ATP8A2: variants seen among roughly 807,000 people sequenced by gnomAD.
ATP8A2 encodes the protein ATPase phospholipid transporting 8A2.
A neutral mutation model predicts 165.6 loss-of-function variants in ATP8A2; 100 were observed. That is an observed-to-expected ratio of 0.60 (90% CI 0.51 to 0.71). The LOEUF (loss-of-function observed/expected upper bound fraction) is 0.71. Ranked by LOEUF, ATP8A2 falls within the 30% of genes least tolerant of loss-of-function variation. The pLI is 0.00. For synonymous variants in ATP8A2, 543 were observed against 548.8 expected (o/e 0.99, Z 0.15); for missense variants, 1,227 against 1,479.5 (o/e 0.83, Z 2.80).
rs143476653 is a variant in ATP8A2 at position 25,533,724 on chromosome 13, G to A, written c.507+411G>A. 8.2e-3 allele frequency among the ~76,000 whole-genome samples: 1,245 copies of A among 152,238 alleles called. 6 individuals carry two copies. Among genetic ancestry groups the A allele is most frequent in the Middle Eastern group, 0.017 (5 of 294 alleles). On this transcript the variant is annotated intron_variant, in intron 6 of 36. Coordinates refer to ENST00000381655, the MANE Select transcript of ATP8A2 (RefSeq NM_016529.6). Reference sequence around the variant, plus strand: ...GGGGGCAAGAAACCACCCCATTTCCGTTCTAGCACAGCAGTTAGCTGCTCT... The same window carrying A: ...GGGGGCAAGAAACCACCCCATTTCCATTCTAGCACAGCAGTTAGCTGCTCT...
intron 25 of ATP8A2, among the ~76,000 whole-genome samples, chr13:25,756,472 G>A (rs951148023): frequency 6.6e-6 from 1 of 152,038 alleles, no homozygotes; most frequent in African/African-American, 2.4e-5. Flanking sequence ...CCACGGCCCA[G>A]TTGCTCAGCA....
chr13:25,558,059 A>G (rs2039033933), intron 13 of ATP8A2, among the ~76,000 whole-genome samples: 1 of 152,102 alleles, frequency 6.6e-6, no homozygotes, highest in Non-Finnish European at 1.5e-5. Context: ...ACCTGCCACC[A>G]TGCCTGGCTA....
intron 2 of ATP8A2, among the ~76,000 whole-genome samples, chr13:25,486,225 A>T (rs1406056849): frequency 1.3e-5 from 2 of 152,162 alleles, no homozygotes; most frequent in African/African-American, 4.8e-5. Flanking sequence ...TGTGTCATGC[A>T]CTTAAGTAGA....
intron 35 of ATP8A2, among the ~76,000 whole-genome samples, chr13:25,970,291 G>A (rs1955883570): frequency 6.6e-6 from 1 of 152,222 alleles, no homozygotes; most frequent in Admixed American, 6.5e-5. Context: ...GTGTGAGAAT[G>A]TGCTTTAGAG....
intron 30 of ATP8A2, among the ~76,000 whole-genome samples, chr13:25,852,364 A>G (rs1409148326): frequency 6.6e-6 from 1 of 152,182 alleles, no homozygotes; most frequent in African/African-American, 2.4e-5. Context: ...AAATGTCCGT[A>G]GTGCCACATT....
At chr13:25,968,436 T>C in intron 34 of ATP8A2, 139 bp from the exon 35 acceptor site, 1 of 694,088 alleles carries the variant, frequency 1.4e-6, no homozygotes, top group South Asian at 1.8e-5. Flanking sequence ...GCATGGAGAC[T>C]GTGAAAGCTC....
In ATP8A2 at chr13:25,882,123, G is replaced by A. The variant is rs550174551; in HGVS notation, c.3183+19715G>A. Among the ~76,000 whole-genome samples the A allele has an allele frequency of 2.2e-4, 34 of 152,324 alleles. No individual in the cohort carries two copies. The East Asian group carries it at 6.6e-3, about 29-fold the overall frequency. On this transcript the variant is annotated intron_variant, in intron 33 of 36. Transcript: ENST00000381655. ...GCGGCTCTGTTTCCCGCAGGGCTCA[G>A]GCAGGAATGCAGGGGCCATTGGACG...
intron 1 of ATP8A2, among the ~76,000 whole-genome samples, chr13:25,383,387 G>A (rs779982948): frequency 7.9e-5 from 12 of 152,206 alleles, no homozygotes; most frequent in Non-Finnish European, 1.6e-4. Context: ...ACAGGCGTGT[G>A]CCTTTTGTCC....
At chr13:25,445,238 G>C (rs1304436568) in intron 1 of ATP8A2, among the ~76,000 whole-genome samples, 1 of 152,186 alleles carries the variant, frequency 6.6e-6, no homozygotes, top group Non-Finnish European at 1.5e-5. Context: ...CCCTTGGAAT[G>C]ATTTTAAAGG....
chr13:25,855,027 G>A (rs1032258761), intron 30 of ATP8A2, among the ~76,000 whole-genome samples: 9 of 152,044 alleles, frequency 5.9e-5, no homozygotes, highest in African/African-American at 2.2e-4. Flanking sequence ...AAGGCAGGTG[G>A]ATCACCTGAG....
intron 33 of ATP8A2, among the ~76,000 whole-genome samples, chr13:25,952,726 T>C (rs1279115362): frequency 1.2e-4 from 18 of 152,186 alleles, no homozygotes; most frequent in Admixed American, 1.1e-3. Context: ...CATCCTGCAC[T>C]GATATTTGCC....
At chr13:25,410,147 G>A (rs1320355140) in intron 1 of ATP8A2, among the ~76,000 whole-genome samples, 8 of 151,716 alleles carry the variant, frequency 5.3e-5, no homozygotes, top group Admixed American at 3.3e-4. Context: ...AACCCCATTA[G>A]CGTCTCCCAT....
chr13:25,597,798 T>A (rs1427971799), intron 24 of ATP8A2, among the ~76,000 whole-genome samples: 1 of 152,218 alleles, frequency 6.6e-6, no homozygotes, highest in African/African-American at 2.4e-5. Flanking sequence ...TTTCTGTTAA[T>A]ATGTTTCATA....
At chr13:25,898,518 C>G (rs1953636296) in intron 33 of ATP8A2, among the ~76,000 whole-genome samples, 1 of 152,266 alleles carries the variant, frequency 6.6e-6, no homozygotes, top group South Asian at 2.1e-4. Context: ...AGATCTCAAG[C>G]TGCGTGCTCG....
chr13:25,918,691 A>T (rs975244631), intron 33 of ATP8A2, among the ~76,000 whole-genome samples: 1 of 152,214 alleles, frequency 6.6e-6, no homozygotes, highest in Non-Finnish European at 1.5e-5. Flanking sequence ...CAACACATAG[A>T]AAATTTGGAT....
intron 16 of ATP8A2, among the ~76,000 whole-genome samples, chr13:25,569,459 C>A (rs1198337114): frequency 6.6e-6 from 1 of 152,164 alleles, no homozygotes; most frequent in Non-Finnish European, 1.5e-5. Flanking sequence ...CTGCTTCCTT[C>A]ACATGAAGAT....
chr13:25,950,691 A>T (rs2139142823), intron 33 of ATP8A2: 1 of 152,242 alleles, frequency 6.6e-6, no homozygotes, highest in Middle Eastern at 3.4e-3. Context: ...TTATTTATTT[A>T]TTTTTTATTT....
At chr13:25,449,073 T>G (rs1436110907) in intron 1 of ATP8A2, among the ~76,000 whole-genome samples, 4 of 152,208 alleles carry the variant, frequency 2.6e-5, no homozygotes, top group African/African-American at 9.6e-5. Flanking sequence ...TAGAAAGATC[T>G]TTTCAAAGAA....
At chr13:25,964,866 A>G (rs1285993084) in intron 34 of ATP8A2, among the ~76,000 whole-genome samples, 2 of 152,136 alleles carry the variant, frequency 1.3e-5, no homozygotes, top group Non-Finnish European at 2.9e-5. Context: ...CTCTCTTTTG[A>G]AAGGGCTTTT....
Sources: allele counts gnomAD v4.1 joint callset (sites outside exome capture counted in the v4.1 genomes callset), GRCh38; gene constraint gnomAD v4.1.1; transcripts MANE v1.5; gene names NCBI Gene and HGNC (gene_info 2026-07-23, HGNC 2026-07-21).